The following ANO1 variants were observed in gnomAD, a reference collection of about 807,000 sequenced individuals.
ANO1 encodes the protein anoctamin 1, also known as anoctamin-1.
A neutral mutation model predicts 124.0 loss-of-function variants in ANO1; 59 were observed. The observed-to-expected ratio is 0.48, with a 90% CI of 0.39 to 0.59. The LOEUF is 0.59. Among genes scored for constraint, ANO1 ranks in the 20% least tolerant of loss-of-function variants. The probability of loss-of-function intolerance (pLI) is 0.00; values close to 1 mark genes in which losing one functional copy is unlikely to be tolerated. For missense variants in ANO1, 1,059 were observed against 1,328.0 expected, an observed-to-expected ratio of 0.80 and a Z score of 3.15; for synonymous variants, 529 against 532.0, an observed-to-expected ratio of 0.99 and a Z score of 0.08.
rs757454851 is a variant in ANO1, at chr11:70,187,725, C to G, written c.2695-13C>G. The G allele has an allele frequency of 6.2e-6, 10 of 1,601,360 alleles. No homozygotes were observed. In the African/African-American group the frequency reaches 9.4e-5, roughly 15 times the overall value. The stretch of plus-strand genomic sequence containing the variant: ...CCATCCTCCCTTCTGCCACGCGTTG[C>G]CTCTCCTTCCAGAACCTGGTCATGT... On this transcript the variant is annotated splice_polypyrimidine_tract_variant and intron_variant, in intron 25 of 25. Coordinates refer to ENST00000355303, the MANE Select transcript of ANO1 (RefSeq NM_018043.7).
At chr11:70,053,857 T>C (rs1027825012) in intron 1 of ANO1, among the ~76,000 whole-genome samples, 1 of 152,212 alleles carries the variant, frequency 6.6e-6, no homozygotes, top group Non-Finnish European at 1.5e-5. Flanking sequence ...TCAAATTTAT[T>C]TGTAGATATA....
intron 4 of ANO1, among the ~76,000 whole-genome samples, chr11:70,104,804 G>C (rs1262630693): frequency 6.6e-6 from 1 of 152,166 alleles, no homozygotes. Context: ...GCGGGCAGGA[G>C]GGCTCCTGGA....
At chr11:69,991,952 G>C (rs781802322) in intron 1 of ANO1, among the ~76,000 whole-genome samples, 1 of 152,214 alleles carries the variant, frequency 6.6e-6, no homozygotes, top group African/African-American at 2.4e-5. Context: ...GATGCCATGC[G>C]AGCTCAGCTC....
intron 1 of ANO1, among the ~76,000 whole-genome samples, chr11:70,014,612 G>C (rs372686708): frequency 6.6e-6 from 1 of 152,078 alleles, no homozygotes; most frequent in Admixed American, 6.6e-5. Context: ...TGGTGGTCTT[G>C]TGAAGGTCTC....
At position 70,022,939 on chromosome 11, in the gene ANO1, G is replaced by C. The variant is rs148090377; in HGVS notation, c.58+36773G>C. On this transcript the variant is annotated intron_variant, in intron 1 of 27. Coordinates refer to the ANO1 transcript ENST00000531349. ...GGAAGCAGAGTCGGGGAAGACATGA[G>C]GACAGAAACAGAGGTCAGAGGGATG... Among the ~76,000 whole-genome samples, 636 of 152,270 alleles carry C rather than the reference G, an allele frequency of 4.2e-3. 5 individuals are homozygous for C. The highest frequency in any genetic ancestry group is 0.015 in the African/African-American group (607 of 41,554).
intron 2 of ANO1, among the ~76,000 whole-genome samples, chr11:70,095,279 G>GGAAGGAAGGAAGGAAGGAAAGAAA (rs1555017295): frequency 3.1e-5 from 3 of 95,462 alleles, no homozygotes; most frequent in East Asian, 2.5e-4. Context: ...AAGGAAGGAA[G>GGAAGGAAGGAAGGAAGGAAAGAAA]GAAGGAAGGA....
intron 1 of ANO1, among the ~76,000 whole-genome samples, chr11:70,019,328 G>GCACA (rs1856760394): frequency 7.0e-6 from 1 of 143,586 alleles, no homozygotes; most frequent in Non-Finnish European, 1.5e-5. Context: ...GCACACACAC[G>GCACA]CACGCACACA....
At chr11:70,019,943 G>A (rs561115835) in intron 1 of ANO1, among the ~76,000 whole-genome samples, 3 of 152,354 alleles carry the variant, frequency 2.0e-5, no homozygotes, top group East Asian at 1.9e-4. Flanking sequence ...GAAGGGGGCC[G>A]AGGGCCCCTG....
At chr11:70,140,107 C>T (rs971155667) in intron 11 of ANO1, among the ~76,000 whole-genome samples, 1 of 152,252 alleles carries the variant, frequency 6.6e-6, no homozygotes, top group East Asian at 1.9e-4. Context: ...GTTCTTTTCT[C>T]TGTTGAAGAC....
intron 12 of ANO1, among the ~76,000 whole-genome samples, chr11:70,150,175 A>G (rs2047549938): frequency 1.3e-5 from 2 of 152,078 alleles, no homozygotes. Flanking sequence ...ATGGGTCTCC[A>G]AAAGTGGCCG....
upstream of ANO1, among the ~76,000 whole-genome samples, chr11:70,077,102 TGAC>T (rs2044071027): frequency 1.3e-5 from 2 of 152,360 alleles, no homozygotes; most frequent in Admixed American, 1.3e-4. Flanking sequence ...CATGGCACGC[TGAC>T]GACATCGTGG....
intron 7 of ANO1, among the ~76,000 whole-genome samples, chr11:70,115,631 AAAAC>A (rs989088848): frequency 3.3e-5 from 5 of 151,690 alleles, no homozygotes; most frequent in African/African-American, 9.7e-5. Context: ...AAACAAAATC[AAAAC>A]AAACAAACAA....
At chr11:70,185,503 C>G (rs2049079525) in intron 24 of ANO1, 87 bp from the exon 25 acceptor site, 1 of 1,263,338 alleles carries the variant, frequency 7.9e-7, no homozygotes, top group South Asian at 1.3e-5. Context: ...CTGAGCCTCT[C>G]CCAGGCGTCC....
upstream of ANO1, among the ~76,000 whole-genome samples, chr11:70,077,054 A>G (rs1313724657): frequency 1.3e-5 from 2 of 151,956 alleles, no homozygotes; most frequent in African/African-American, 4.8e-5. Flanking sequence ...CTTCTCTCCA[A>G]CCCTATCCTA....
chr11:70,170,809 C>G, intron 21 of ANO1, 78 bp from the exon 22 acceptor site: 2 of 1,522,260 alleles, frequency 1.3e-6, no homozygotes, highest in Non-Finnish European at 1.8e-6. Flanking sequence ...CTGTGCGGCT[C>G]GGCACACGGG....
intron 25 of ANO1, 69 bp downstream of exon 25, chr11:70,185,764 T>A: frequency 6.6e-7 from 1 of 1,521,276 alleles, no homozygotes; most frequent in Non-Finnish European, 9.1e-7. Flanking sequence ...GTGCCTACAG[T>A]CTGGAAGTCA....
At chr11:70,090,802 C>A (rs997572039) in intron 2 of ANO1, among the ~76,000 whole-genome samples, 1 of 152,182 alleles carries the variant, frequency 6.6e-6, no homozygotes, top group South Asian at 2.1e-4. Flanking sequence ...TAACTTGGCT[C>A]AAGGGCTAAA....
chr11:69,996,482 T>C (rs1325970181), intron 1 of ANO1, among the ~76,000 whole-genome samples: 1 of 152,176 alleles, frequency 6.6e-6, no homozygotes, highest in African/African-American at 2.4e-5. Flanking sequence ...GGGAGAAATG[T>C]TTAAATGATC....
At chr11:70,017,191 G>A (rs887105605) in intron 1 of ANO1, among the ~76,000 whole-genome samples, 3 of 152,142 alleles carry the variant, frequency 2.0e-5, no homozygotes, top group African/African-American at 7.2e-5. Context: ...TTAGCGGTCC[G>A]AACAAAGGCC....
Sources: gnomAD v4.1 joint callset for allele counts (sites outside exome capture counted in the v4.1 genomes callset) on GRCh38, gnomAD v4.1.1 for gene constraint, MANE v1.5 for transcripts, NCBI Gene and HGNC (gene_info 2026-07-23, HGNC 2026-07-21) for gene names.